FBN1: variants seen among roughly 807,000 people sequenced by gnomAD.
FBN1 encodes the protein fibrillin-1.
In FBN1, 29 loss-of-function variants were observed where a neutral mutation model predicts 365.1. That is an observed-to-expected ratio of 0.08 (90% CI 0.06 to 0.11). FBN1 has a LOEUF of 0.11. Ranked by LOEUF, FBN1 falls within the 10% of genes least tolerant of loss-of-function variation. The pLI is 1.00. For missense variants in FBN1, 2,476 were observed against 3,703.2 expected (o/e 0.67, Z 8.60); for synonymous variants, 1,210 against 1,270.5 (o/e 0.95, Z 1.01).
intron 2 of FBN1, among the ~76,000 whole-genome samples, chr15:48,613,598 A>T (rs1204292730): frequency 1.3e-5 from 2 of 152,194 alleles, no homozygotes; most frequent in Non-Finnish European, 2.9e-5. Flanking sequence ...TCAGAAAAAA[A>T]TAAAGGCCAA....
At chr15:48,613,585 G>T (rs1488340354) in intron 2 of FBN1, among the ~76,000 whole-genome samples, 4 of 151,948 alleles carry the variant, frequency 2.6e-5, no homozygotes, top group Non-Finnish European at 5.9e-5. Context: ...ACTCTGACAT[G>T]AGTCAGAAAA....
intron 6 of FBN1, among the ~76,000 whole-genome samples, chr15:48,579,068 A>T (rs1169867901): frequency 1.3e-5 from 2 of 152,034 alleles, no homozygotes; most frequent in Non-Finnish European, 2.9e-5. Flanking sequence ...CCAACTTGTT[A>T]AAGCTCGCAG....
At chr15:48,525,831 G>A (rs1387534235) in intron 9 of FBN1, among the ~76,000 whole-genome samples, 2 of 152,148 alleles carry the variant, frequency 1.3e-5, no homozygotes, top group Non-Finnish European at 2.9e-5. Flanking sequence ...AAAAGAGAGA[G>A]ACACCTGGGA....
chr15:48,440,878 GGA>G (rs2043107348), intron 50 of FBN1, among the ~76,000 whole-genome samples: 1 of 137,206 alleles, frequency 7.3e-6, no homozygotes, highest in Non-Finnish European at 1.5e-5. Context: ...TTGGTAATAC[GGA>G]AGCAAAACCA....
At chr15:48,422,162 G>A (rs1050369980) in intron 60 of FBN1, 94 bp from the exon 61 acceptor site, 109 of 828,036 alleles carry the variant, frequency 1.3e-4, no homozygotes, top group Non-Finnish European at 2.2e-4. Flanking sequence ...TTGATTTGGA[G>A]GTCTCAAATG....
Position 48,505,093 on chromosome 15 carries a change from G to C in FBN1, c.1892C>G (p.Thr631Ser), listed in dbSNP as rs913115111. The change falls in exon 16 of 66, where the codon ACT becomes AGT. Residue 631 changes from threonine (T) to serine (S), a missense_variant. By Grantham distance (58) the Thr-to-Ser change is moderately conservative. Coordinates refer to ENST00000316623, the MANE Select transcript of FBN1 (RefSeq NM_000138.5). ...GICMNGRCVN[T>S]DGSYRCECFP... The stretch of plus-strand genomic sequence containing the variant: ...GCATTCACATCTGTAGGAGCCATCA[G>C]TGTTGACGCAACGCCCATTCATGCA... 2 of 1,614,184 alleles carry C rather than the reference G, an allele frequency of 1.2e-6. No individual in the cohort carries two copies. Among genetic ancestry groups the C allele is most frequent in the East Asian group, 2.2e-5 (1 of 44,876 alleles).
At chr15:48,451,220 A>G (rs764950535) in intron 45 of FBN1, among the ~76,000 whole-genome samples, 32 of 152,224 alleles carry the variant, frequency 2.1e-4, no homozygotes, top group Non-Finnish European at 4.0e-4. Context: ...GACTCATTCT[A>G]TATTATCAGC....
intron 50 of FBN1, among the ~76,000 whole-genome samples, chr15:48,440,910 A>AC (rs2043108614): frequency 6.6e-6 from 1 of 151,548 alleles, no homozygotes. Flanking sequence ...GAAAAAAAAA[A>AC]AAAACCCAAC....
chr15:48,527,699 C>T (rs1309389555), intron 8 of FBN1, among the ~76,000 whole-genome samples: 2 of 152,240 alleles, frequency 1.3e-5, no homozygotes, highest in Non-Finnish European at 2.9e-5. Context: ...TGTTTACATG[C>T]AGTTTAACCT....
rs566336033 is a variant in FBN1, at chr15:48,510,827, T to C, written c.1589-658A>G. Among the ~76,000 whole-genome samples the C allele has an allele frequency of 1.2e-4, 18 of 152,272 alleles. No individual in the cohort carries two copies. The South Asian group carries it at 3.7e-3, about 32-fold the overall frequency. On this transcript the variant is annotated intron_variant, in intron 13 of 65. Transcript: ENST00000316623. ...CACAACAGAGCTTGACACGGAAGTG[T>C]TAAAATAACAATAACTGAAACAACC...
chr15:48,522,062 C>G (rs1016916261), intron 9 of FBN1, among the ~76,000 whole-genome samples: 19 of 152,304 alleles, frequency 1.2e-4, no homozygotes, highest in African/African-American at 4.3e-4. Flanking sequence ...ATGGTGAACC[C>G]TATTGTGAAC....
chr15:48,552,266 C>CTT (rs1008007527), intron 6 of FBN1, among the ~76,000 whole-genome samples: 2 of 143,300 alleles, frequency 1.4e-5, no homozygotes, highest in African/African-American at 2.5e-5. Flanking sequence ...GTTTCAATGA[C>CTT]TTTTTTTTTC....
chr15:48,484,094 C>T, intron 30 of FBN1, 151 bp from the exon 31 acceptor site: 1 of 796,010 alleles, frequency 1.3e-6, no homozygotes, highest in Non-Finnish European at 2.0e-6. Context: ...ATAAACTAGC[C>T]CATTGGGTTA....
chr15:48,629,771 A>C (rs1260317914), intron 2 of FBN1, among the ~76,000 whole-genome samples: 1 of 152,222 alleles, frequency 6.6e-6, no homozygotes, highest in Non-Finnish European at 1.5e-5. Flanking sequence ...GTGTTAAATA[A>C]AATTCTTTTT....
chr15:48,645,160 G>A (rs755436529), intron 1 of FBN1, among the ~76,000 whole-genome samples: 228 of 152,356 alleles, frequency 1.5e-3, no homozygotes, highest in Non-Finnish European at 2.9e-3. Context: ...GGCCTCCCGG[G>A]CCCCGCCAGA....
At chr15:48,483,471 C>T (rs908605761) in intron 31 of FBN1, among the ~76,000 whole-genome samples, 1 of 152,148 alleles carries the variant, frequency 6.6e-6, no homozygotes, top group African/African-American at 2.4e-5. Context: ...GCATTCTTGT[C>T]AGAAGTAAAT....
chr15:48,431,085 T>A (rs2043019895), intron 55 of FBN1, among the ~76,000 whole-genome samples: 1 of 152,006 alleles, frequency 6.6e-6, no homozygotes, highest in Admixed American at 6.6e-5. Flanking sequence ...CCTTATTTTT[T>A]ATTTATTTTT....
intron 6 of FBN1, among the ~76,000 whole-genome samples, chr15:48,553,122 T>A (rs1440674008): frequency 6.6e-6 from 1 of 152,236 alleles, no homozygotes; most frequent in African/African-American, 2.4e-5. Flanking sequence ...TTCTATTTTT[T>A]AAATAAGCTC....
intron 2 of FBN1, chr15:48,641,942 C>A (rs756163293): frequency 6.6e-6 from 1 of 152,086 alleles, no homozygotes; most frequent in Admixed American, 6.5e-5. Flanking sequence ...TTTGATCCAG[C>A]AATTCTATTT....
Sources: allele counts gnomAD v4.1 joint callset (sites outside exome capture counted in the v4.1 genomes callset), GRCh38; gene constraint gnomAD v4.1.1; transcripts MANE v1.5; gene names NCBI Gene and HGNC (gene_info 2026-07-23, HGNC 2026-07-21).